TSPAN5: variants seen among roughly 807,000 people sequenced by gnomAD.
TSPAN5 encodes the protein tetraspanin-5.
TSPAN5 carries 10 observed loss-of-function variants against 37.1 expected under a neutral mutation model. That is an observed-to-expected ratio of 0.27 (90% CI 0.17 to 0.46). TSPAN5 has a LOEUF of 0.46. TSPAN5 is among the 20% of genes least tolerant of loss of function. The pLI is 1.00. For missense variants in TSPAN5, 195 were observed against 326.6 expected, an observed-to-expected ratio of 0.60 and a Z score of 3.11; for synonymous variants, 110 against 118.9, an observed-to-expected ratio of 0.93 and a Z score of 0.48.
At chr4:98,603,833 C>T (rs1214880109) in intron 1 of TSPAN5, among the ~76,000 whole-genome samples, 4 of 152,202 alleles carry the variant, frequency 2.6e-5, no homozygotes, top group South Asian at 4.1e-4. Flanking sequence ...TGGCTACTTA[C>T]TCTGAAGGCT....
At chr4:98,564,634 G>A (rs1042796530) in intron 1 of TSPAN5, among the ~76,000 whole-genome samples, 3 of 152,028 alleles carry the variant, frequency 2.0e-5, no homozygotes, top group Non-Finnish European at 2.9e-5. Context: ...TTTTAAGGAG[G>A]CATCCGATTT....
At position 98,552,151 on chromosome 4, in the gene TSPAN5, C is replaced by A. The variant is rs139456423; in HGVS notation, c.82-44423G>T. ...CAATTTTGTTTATCTTTTCAAAAAA[C>A]CAACTTTTCATTTCACTCATCCTTT... On this transcript the variant is annotated intron_variant, in intron 1 of 7. Transcript: ENST00000305798. 3.7e-3 allele frequency among the ~76,000 whole-genome samples: 564 copies of A among 152,216 alleles called. 5 individuals carry two copies. The highest frequency in any genetic ancestry group is 0.013 in the African/African-American group (541 of 41,526).
At chr4:98,649,919 A>G (rs1757148413) in intron 1 of TSPAN5, among the ~76,000 whole-genome samples, 1 of 152,178 alleles carries the variant, frequency 6.6e-6, no homozygotes, top group Admixed American at 6.5e-5. Context: ...ACAATCTGGA[A>G]ACAGTATATG....
At chr4:98,650,656 T>C (rs527949113) in intron 1 of TSPAN5, among the ~76,000 whole-genome samples, 1 of 152,214 alleles carries the variant, frequency 6.6e-6, no homozygotes, top group Non-Finnish European at 1.5e-5. Flanking sequence ...TGTGTCTGTA[T>C]ATACACAGAG....
chr4:98,513,589 T>G (rs534765132), intron 1 of TSPAN5, among the ~76,000 whole-genome samples: 11 of 152,224 alleles, frequency 7.2e-5, no homozygotes, highest in African/African-American at 2.4e-4. Flanking sequence ...TTAAGGATAA[T>G]GCCTACATTT....
At chr4:98,487,557 T>C (rs1285896703) in intron 2 of TSPAN5, among the ~76,000 whole-genome samples, 1 of 151,710 alleles carries the variant, frequency 6.6e-6, no homozygotes, top group African/African-American at 2.4e-5. Context: ...TACAAACACC[T>C]ACAAGTTTTT....
At chr4:98,502,916 G>A (rs144065389) in intron 2 of TSPAN5, among the ~76,000 whole-genome samples, 2 of 151,442 alleles carry the variant, frequency 1.3e-5, no homozygotes, top group Non-Finnish European at 2.9e-5. Context: ...ATAGAGCATC[G>A]CAGTGTCTAT....
At chr4:98,476,352 G>C in intron 6 of TSPAN5, 47 bp from the exon 7 acceptor site, 1 of 1,612,446 alleles carries the variant, frequency 6.2e-7, no homozygotes, top group South Asian at 1.1e-5. Flanking sequence ...AGAGCACCAG[G>C]CACAGGCCAA....
chr4:98,495,689 T>G (rs1753191699), intron 2 of TSPAN5, among the ~76,000 whole-genome samples: 1 of 152,104 alleles, frequency 6.6e-6, no homozygotes, highest in Non-Finnish European at 1.5e-5. Flanking sequence ...GAAAGAGGTT[T>G]CTATGCACAT....
chr4:98,510,055 C>T (rs1040691839), intron 1 of TSPAN5: 6 of 152,138 alleles, frequency 3.9e-5, no homozygotes, highest in Admixed American at 2.0e-4. Context: ...TCTGCTTGAT[C>T]GCTAAGATTT....
At chr4:98,606,437 C>T (rs1756040847) in intron 1 of TSPAN5, among the ~76,000 whole-genome samples, 1 of 152,226 alleles carries the variant, frequency 6.6e-6, no homozygotes, top group Non-Finnish European at 1.5e-5. Context: ...CATCTTTCCA[C>T]ACTACATGCT....
chr4:98,496,700 G>A (rs1307233911), intron 2 of TSPAN5: 1 of 152,228 alleles, frequency 6.6e-6, no homozygotes, highest in Non-Finnish European at 1.5e-5. Flanking sequence ...ACACTCTGGT[G>A]AGAGCCACTG....
intron 1 of TSPAN5, among the ~76,000 whole-genome samples, chr4:98,613,443 T>C (rs1756248189): frequency 1.3e-5 from 2 of 152,180 alleles, no homozygotes; most frequent in Non-Finnish European, 2.9e-5. Flanking sequence ...ACAGAAAAGG[T>C]ATTTTGCAAA....
intron 1 of TSPAN5, among the ~76,000 whole-genome samples, chr4:98,635,477 G>A (rs1439964129): frequency 6.6e-6 from 1 of 152,164 alleles, no homozygotes; most frequent in Non-Finnish European, 1.5e-5. Context: ...TTCCAATGGT[G>A]GATCTAGCTA....
intron 1 of TSPAN5, among the ~76,000 whole-genome samples, chr4:98,511,298 T>C (rs1012284624): frequency 3.9e-5 from 6 of 152,196 alleles, no homozygotes; most frequent in Non-Finnish European, 7.3e-5. Flanking sequence ...ATAAAGGGAA[T>C]ACGTTCTGAG....
intron 1 of TSPAN5, among the ~76,000 whole-genome samples, chr4:98,643,400 G>A (rs976672354): frequency 2.0e-5 from 3 of 152,088 alleles, no homozygotes; most frequent in East Asian, 1.9e-4. Flanking sequence ...GTTGTTAAGC[G>A]ATACATGACT....
intron 2 of TSPAN5, chr4:98,496,611 A>G (rs2110275061): frequency 6.6e-6 from 1 of 152,312 alleles, no homozygotes; most frequent in South Asian, 2.1e-4. Flanking sequence ...TCCTGCAATC[A>G]AGTAGCTGCT....
chr4:98,511,166 A>T (rs1374108501), intron 1 of TSPAN5, among the ~76,000 whole-genome samples: 1 of 152,240 alleles, frequency 6.6e-6, no homozygotes, highest in Non-Finnish European at 1.5e-5. Context: ...ATGGCAATAT[A>T]TGCAAATGTA....
chr4:98,478,582 C>T, intron 5 of TSPAN5, 103 bp downstream of exon 5: 4 of 1,389,800 alleles, frequency 2.9e-6, no homozygotes, highest in Non-Finnish European at 4.1e-6. Context: ...ATACGAGTAA[C>T]CAGGTAAGAA....
Sources: allele counts gnomAD v4.1 joint callset (sites outside exome capture counted in the v4.1 genomes callset), GRCh38; gene constraint gnomAD v4.1.1; transcripts MANE v1.5; gene names NCBI Gene and HGNC (gene_info 2026-07-23, HGNC 2026-07-21).